Variants in STK39 observed in about 807,000 individuals in gnomAD.
The protein encoded by STK39 is serine/threonine kinase 39.
A neutral mutation model predicts 77.8 loss-of-function variants in STK39; 20 were observed. The ratio of observed to expected loss-of-function variants is 0.26; its 90% confidence interval spans 0.18 to 0.37. The LOEUF (loss-of-function observed/expected upper bound fraction) is 0.37, where lower values mean the gene tolerates loss of function less well. Among genes scored for constraint, STK39 ranks in the 10% least tolerant of loss-of-function variants. The pLI is 1.00. For missense variants in STK39, 479 were observed against 656.5 expected, an observed-to-expected ratio of 0.73 and a Z score of 2.95; for synonymous variants, 246 against 234.1, an observed-to-expected ratio of 1.05 and a Z score of -0.47.
At chr2:168,129,495 C>T in intron 10 of STK39, 46 bp downstream of exon 10, 1 of 1,606,088 alleles carries the variant, frequency 6.2e-7, no homozygotes, top group Non-Finnish European at 8.5e-7. Context: ...GTTTCATTTC[C>T]CTGGGGATTG....
At chr2:168,129,682 G>A (rs1437927325) in intron 9 of STK39, 28 bp downstream of exon 9, 1 of 1,614,020 alleles carries the variant, frequency 6.2e-7, no homozygotes, top group Non-Finnish European at 8.5e-7. Context: ...AAAAATAGCA[G>A]ATTTACTTGG....
At chr2:168,054,863 G>A (rs1351610451) in intron 14 of STK39, among the ~76,000 whole-genome samples, 10 of 151,894 alleles carry the variant, frequency 6.6e-5, no homozygotes, top group Admixed American at 6.6e-4. Flanking sequence ...CTAAACAAAA[G>A]GGCTTTCACC....
intron 5 of STK39, among the ~76,000 whole-genome samples, chr2:168,156,081 T>A (rs546573283): frequency 5.9e-5 from 9 of 152,192 alleles, no homozygotes; most frequent in African/African-American, 1.7e-4. Context: ...TGCTGTGTCA[T>A]AGGCTAGCTA....
intron 1 of STK39, among the ~76,000 whole-genome samples, chr2:168,221,785 G>A (rs577894248): frequency 2.6e-5 from 4 of 152,176 alleles, no homozygotes; most frequent in South Asian, 2.1e-4. Flanking sequence ...ATGTAGCAAC[G>A]CTGGCACTCA....
At chr2:168,184,621 C>T (rs192728751) in intron 1 of STK39, among the ~76,000 whole-genome samples, 46 of 148,508 alleles carry the variant, frequency 3.1e-4, no homozygotes, top group African/African-American at 1.0e-3. Context: ...GGATTAGGAC[C>T]CTAGGCATAC....
intron 5 of STK39, among the ~76,000 whole-genome samples, chr2:168,147,883 G>A (rs1688182492): frequency 6.6e-6 from 1 of 152,148 alleles, no homozygotes; most frequent in African/African-American, 2.4e-5. Flanking sequence ...GAAAGTCAGG[G>A]CTTTAGCAGT....
At chr2:167,961,168 T>C (rs901097687) in intron 17 of STK39, among the ~76,000 whole-genome samples, 3 of 152,222 alleles carry the variant, frequency 2.0e-5, no homozygotes, top group Non-Finnish European at 4.4e-5. Flanking sequence ...AGGTAGTTTT[T>C]ACCCAGTTTC....
At chr2:168,152,246 A>G (rs888589584) in intron 5 of STK39, among the ~76,000 whole-genome samples, 5 of 152,332 alleles carry the variant, frequency 3.3e-5, no homozygotes, top group East Asian at 3.9e-4. Flanking sequence ...TGGATCCCCA[A>G]TGTGGGGTGG....
intron 14 of STK39, among the ~76,000 whole-genome samples, chr2:168,055,433 C>T (rs1046777828): frequency 6.6e-6 from 1 of 152,192 alleles, no homozygotes; most frequent in Non-Finnish European, 1.5e-5. Context: ...CAACAATTGT[C>T]ATGCTGAGTT....
At chr2:167,979,679 C>T (rs947180174) in intron 16 of STK39, among the ~76,000 whole-genome samples, 2 of 152,222 alleles carry the variant, frequency 1.3e-5, no homozygotes, top group Non-Finnish European at 2.9e-5. Context: ...ATAGAGGCAT[C>T]AGGCATAGCT....
chr2:167,960,928 C>T (rs1242368316), intron 17 of STK39, among the ~76,000 whole-genome samples: 1 of 152,186 alleles, frequency 6.6e-6, no homozygotes, highest in Non-Finnish European at 1.5e-5. Context: ...GTCCCAGCCC[C>T]CAAGAGATTC....
chr2:168,247,127 C>T, intron 1 of STK39, 101 bp downstream of exon 1: 1 of 808,848 alleles, frequency 1.2e-6, no homozygotes, highest in Non-Finnish European at 1.5e-6. Context: ...GGCCTCTCTG[C>T]CTCCAGGGCG....
chr2:168,108,284 C>G (rs1687031405), intron 10 of STK39, among the ~76,000 whole-genome samples: 1 of 152,138 alleles, frequency 6.6e-6, no homozygotes, highest in African/African-American at 2.4e-5. Flanking sequence ...AGGCTGGGTA[C>G]AGTGAATGAT....
At position 167,980,941 on chromosome 2, in the gene STK39, G is replaced by A. The variant is rs184912421; in HGVS notation, c.1499-16215C>T. The stretch of plus-strand genomic sequence containing the variant: ...AAACCTTTAAAGTAAAGGTTTAACA[G>A]CCAGTGAAATGTACAGAGTAAGAGT... On this transcript the variant is annotated intron_variant, in intron 16 of 17. Coordinates refer to ENST00000355999, the MANE Select transcript of STK39 (RefSeq NM_013233.3). Among the ~76,000 whole-genome samples, 169 of 150,948 alleles carry A rather than the reference G, an allele frequency of 1.1e-3. 3 individuals are homozygous for A. The highest frequency in any genetic ancestry group is 3.8e-3 in the African/African-American group (156 of 40,990).
chr2:168,022,292 G>C (rs1288155935), intron 14 of STK39, among the ~76,000 whole-genome samples: 1 of 152,174 alleles, frequency 6.6e-6, no homozygotes, highest in African/African-American at 2.4e-5. Context: ...TTTGGTCAAA[G>C]GATATATGCA....
intron 10 of STK39, among the ~76,000 whole-genome samples, chr2:168,108,120 T>C (rs1055455102): frequency 1.3e-5 from 2 of 152,218 alleles, no homozygotes; most frequent in African/African-American, 4.8e-5. Flanking sequence ...TCTGGGGTTA[T>C]TAAGCCTAAA....
rs1426732094 is a variant in STK39 at position 168,012,625 on chromosome 2, A to C, written c.1498+9T>G. ...ACAAAATGACAGTGCATACTAAAAA[A>C]CAATTTACCTATAACTACATCGTGA... is the stretch of plus-strand genomic sequence containing the variant. On this transcript the variant is annotated intron_variant, in intron 16 of 17. Coordinates refer to ENST00000355999, the MANE Select transcript of STK39 (RefSeq NM_013233.3). 2 of 1,612,628 alleles carry C rather than the reference A, an allele frequency of 1.2e-6. No homozygotes were observed. The highest frequency in any genetic ancestry group is 4.5e-5 in the East Asian group (2 of 44,776).
At chr2:168,035,190 TG>T (rs2105344383) in intron 14 of STK39, among the ~76,000 whole-genome samples, 1 of 152,306 alleles carries the variant, frequency 6.6e-6, no homozygotes, top group South Asian at 2.1e-4. Flanking sequence ...TTTTAAAAGA[TG>T]GAAATAAGGA....
At position 167,955,451 on chromosome 2, in the gene STK39, TGGCGGTGG is replaced by T; in HGVS notation, c.*37_*44del. The T allele has an allele frequency of 6.3e-7, 1 of 1,582,738 alleles. No individual in the cohort carries two copies. Among genetic ancestry groups the T allele is most frequent in the Non-Finnish European group, 8.6e-7 (1 of 1,156,494 alleles). ...GAGGGAGGGTTGAAGGGAGTAGGGG[TGGCGGTGG>T]GGCATGACAGATCAGGGTGACATCA... On this transcript the variant is annotated 3_prime_UTR_variant, in exon 18 of 18. Coordinates refer to ENST00000355999, the MANE Select transcript of STK39 (RefSeq NM_013233.3).
Sources: allele counts gnomAD v4.1 joint callset (sites outside exome capture counted in the v4.1 genomes callset), GRCh38; gene constraint gnomAD v4.1.1; transcripts MANE v1.5; gene names NCBI Gene and HGNC (gene_info 2026-07-23, HGNC 2026-07-21).